HNF4G: variants seen among roughly 807,000 people sequenced by gnomAD.
HNF4G encodes hepatocyte nuclear factor 4 gamma, also known as hepatocyte nuclear factor 4-gamma.
A neutral mutation model predicts 50.9 loss-of-function variants in HNF4G; 21 were observed. The observed-to-expected ratio is 0.41, with a 90% CI of 0.29 to 0.59. The LOEUF is 0.59. Ranked by LOEUF, HNF4G falls within the 20% of genes least tolerant of loss-of-function variation. The pLI, the probability that HNF4G is intolerant of heterozygous loss-of-function variation, is 0.26. For synonymous variants in HNF4G, 198 were observed against 185.6 expected (o/e 1.07, Z -0.54); for missense variants, 527 against 559.4 (o/e 0.94, Z 0.58).
At chr8:75,465,744 G>T (rs1421449006) in intron 1 of HNF4G, among the ~76,000 whole-genome samples, 1 of 152,024 alleles carries the variant, frequency 6.6e-6, no homozygotes, top group Non-Finnish European at 1.5e-5. Flanking sequence ...TGGGAAAGAA[G>T]AACTGATCAG....
intron 1 of HNF4G, among the ~76,000 whole-genome samples, chr8:75,422,357 T>C (rs1279221897): frequency 6.6e-6 from 1 of 152,196 alleles, no homozygotes; most frequent in East Asian, 1.9e-4. Flanking sequence ...TGGAAATAAG[T>C]ACCATTGTTT....
intron 1 of HNF4G, among the ~76,000 whole-genome samples, chr8:75,440,228 T>A (rs2130544077): frequency 6.6e-6 from 1 of 152,342 alleles, no homozygotes; most frequent in South Asian, 2.1e-4. Context: ...GTGATATTTT[T>A]GCATTCATCC....
intron 1 of HNF4G, among the ~76,000 whole-genome samples, chr8:75,484,145 G>T (rs1278161441): frequency 6.6e-6 from 1 of 152,120 alleles, no homozygotes; most frequent in African/African-American, 2.4e-5. Context: ...TCATTAAGAA[G>T]AATTCTAAGT....
At chr8:75,545,110 G>A (rs1217116184) in intron 2 of HNF4G, among the ~76,000 whole-genome samples, 1 of 152,038 alleles carries the variant, frequency 6.6e-6, no homozygotes, top group Non-Finnish European at 1.5e-5. Context: ...AACTCTAAAG[G>A]TAAAAGGTAG....
At chr8:75,536,698 T>C (rs1326750350), upstream of HNF4G, among the ~76,000 whole-genome samples, 4 of 152,116 alleles carry the variant, frequency 2.6e-5, no homozygotes, top group East Asian at 1.9e-4. Flanking sequence ...TATTGAGTTA[T>C]AAAAACACCA....
At chr8:75,434,043 C>T (rs1323380887) in intron 1 of HNF4G, among the ~76,000 whole-genome samples, 5 of 148,382 alleles carry the variant, frequency 3.4e-5, no homozygotes, top group Admixed American at 1.3e-4. Flanking sequence ...CTCACTCTGC[C>T]GCCAGGCTAG....
At chr8:75,563,885 A>C in intron 9 of HNF4G, 90 bp from the exon 10 acceptor site, 1 of 1,385,452 alleles carries the variant, frequency 7.2e-7, no homozygotes. Context: ...TTTCCAAATT[A>C]CGCTAATGTG....
At chr8:75,449,276 T>A (rs1811517076) in intron 1 of HNF4G, among the ~76,000 whole-genome samples, 1 of 152,098 alleles carries the variant, frequency 6.6e-6, no homozygotes, top group South Asian at 2.1e-4. Flanking sequence ...TCTCATATGG[T>A]TTCTGTTGCA....
intron 1 of HNF4G, among the ~76,000 whole-genome samples, chr8:75,457,694 A>G (rs1042518580): frequency 3.9e-5 from 6 of 152,086 alleles, no homozygotes; most frequent in African/African-American, 1.4e-4. Context: ...TCTGAAAGGC[A>G]TGTGGAATAT....
rs1489911176 is a variant in HNF4G, at chr8:75,565,519, G to A, written c.*1423G>A. On this transcript the variant is annotated 3_prime_UTR_variant, in exon 10 of 10. Transcript: ENST00000396423. ...CTAGACTGAGGAGTAGAGTTCATTG[G>A]AGTCTTAAACTCTCTGATATCACTT... is the stretch of plus-strand genomic sequence containing the variant. 2.6e-5 allele frequency: 4 copies of A among 152,074 alleles called. No homozygotes were observed. Among genetic ancestry groups the A allele is most frequent in the African/African-American group, 9.7e-5 (4 of 41,396 alleles). 9.4% of individuals were successfully genotyped at this position (152,074 alleles called of 1,614,324 possible). A position where few individuals can be genotyped will look rare whatever the true frequency, so the allele number is the denominator to read the frequency against.
chr8:75,513,545 C>T (rs1276951274), intron 2 of HNF4G, among the ~76,000 whole-genome samples: 1 of 151,976 alleles, frequency 6.6e-6, no homozygotes, highest in Non-Finnish European at 1.5e-5. Flanking sequence ...TCTAACATTC[C>T]TTGTCTTTGC....
intron 2 of HNF4G, among the ~76,000 whole-genome samples, chr8:75,518,641 C>T (rs1489645501): frequency 1.3e-5 from 2 of 152,292 alleles, no homozygotes; most frequent in East Asian, 1.9e-4. Context: ...GAGTCAATGG[C>T]CTGAGCTCTA....
chr8:75,476,036 C>A (rs555936673), intron 1 of HNF4G, among the ~76,000 whole-genome samples: 1 of 151,868 alleles, frequency 6.6e-6, no homozygotes, highest in Admixed American at 6.6e-5. Flanking sequence ...TCTAGTGTAC[C>A]CATCATTCAA....
chr8:75,437,264 G>C (rs957259961), intron 1 of HNF4G, among the ~76,000 whole-genome samples: 1 of 152,296 alleles, frequency 6.6e-6, no homozygotes, highest in African/African-American at 2.4e-5. Flanking sequence ...ATATTCGCAC[G>C]TATCTATAAT....
chr8:75,508,924 C>T (rs762454117), intron 2 of HNF4G, among the ~76,000 whole-genome samples: 3 of 152,064 alleles, frequency 2.0e-5, no homozygotes, highest in East Asian at 1.9e-4. Flanking sequence ...AATGATGTCA[C>T]GAATGAATTT....
intron 2 of HNF4G, among the ~76,000 whole-genome samples, chr8:75,520,594 T>C (rs1013723806): frequency 1.5e-4 from 23 of 151,934 alleles, no homozygotes; most frequent in Admixed American, 6.6e-5. Context: ...GATGCCACCA[T>C]GCCTGGCTAA....
At chr8:75,419,419 T>C (rs927038513) in intron 1 of HNF4G, among the ~76,000 whole-genome samples, 16 of 152,184 alleles carry the variant, frequency 1.1e-4, no homozygotes, top group African/African-American at 3.9e-4. Context: ...GTACTTCTCT[T>C]GAATCAATGG....
chr8:75,433,690 C>T (rs2672854), intron 1 of HNF4G, among the ~76,000 whole-genome samples: 13,530 of 152,000 alleles, frequency 0.089, 804 homozygotes, highest in Non-Finnish European at 0.13. Context: ...TAAGCCACCA[C>T]GCTTAACTGA....
intron 1 of HNF4G, among the ~76,000 whole-genome samples, chr8:75,409,648 C>T (rs1322293122): frequency 2.0e-5 from 3 of 151,708 alleles, no homozygotes; most frequent in Non-Finnish European, 4.4e-5. Flanking sequence ...ACCACCACAC[C>T]CGGCTGATTT....
Sources: allele counts gnomAD v4.1 joint callset (sites outside exome capture counted in the v4.1 genomes callset), GRCh38; gene constraint gnomAD v4.1.1; transcripts MANE v1.5; gene names NCBI Gene and HGNC (gene_info 2026-07-23, HGNC 2026-07-21).